ATP10A: variants seen among roughly 807,000 people sequenced by gnomAD.
The protein encoded by ATP10A is ATPase phospholipid transporting 10A (putative), also known as phospholipid-transporting ATPase VA.
ATP10A carries 111 observed loss-of-function variants against 147.8 expected under a neutral mutation model. That is an observed-to-expected ratio of 0.75 (90% CI 0.64 to 0.88). ATP10A has a LOEUF of 0.88. Among genes scored for constraint, ATP10A ranks in the 40% least tolerant of loss-of-function variants. The pLI, the probability that ATP10A is intolerant of heterozygous loss-of-function variation, is 0.00. For synonymous variants in ATP10A, 875 were observed against 841.6 expected (o/e 1.04, Z -0.69); for missense variants, 1,927 against 1,959.0 (o/e 0.98, Z 0.31).
rs72701795 is a variant in ATP10A, at chr15:25,705,178, C to T, written c.2575+2798G>A. Among the ~76,000 whole-genome samples the T allele has an allele frequency of 4.6e-3, 701 of 152,246 alleles. 2 individuals are homozygous for T. The highest frequency in any genetic ancestry group is 8.1e-3 in the Non-Finnish European group (553 of 68,012). ...CACCTGGGCCTGGTGCAGGGGCACA[C>T]GCCTGTAATCCCAGCACTTAGACAG... On this transcript the variant is annotated intron_variant, in intron 12 of 20. Transcript: ENST00000555815.
At chr15:25,829,861 A>C (rs1301499789) in intron 1 of ATP10A, among the ~76,000 whole-genome samples, 1 of 152,118 alleles carries the variant, frequency 6.6e-6, no homozygotes, top group Non-Finnish European at 1.5e-5. Flanking sequence ...TCAAGCAAAG[A>C]CTTTGGATCT....
chr15:25,862,394 C>T (rs1893800265), intron 1 of ATP10A: 1 of 654,234 alleles, frequency 1.5e-6, no homozygotes, highest in African/African-American at 1.8e-5. Context: ...ATTCTGGCCC[C>T]GACACGGAGT....
intron 1 of ATP10A, among the ~76,000 whole-genome samples, chr15:25,803,233 G>A (rs144445223): frequency 1.7e-4 from 26 of 152,170 alleles, no homozygotes; most frequent in African/African-American, 4.8e-4. Flanking sequence ...GGGCACTTCC[G>A]CCACACCGTC....
rs1423399433 is a variant in ATP10A at position 25,804,237 on chromosome 15, ATG to A, written c.450-23016_450-23015del. On this transcript the variant is annotated intron_variant, in intron 1 of 20. Transcript: ENST00000555815. ...ATCTGTGTGTGTGTCTATATGTGTG[ATG>A]TGTGTGTCTATGTGCATGGTGTGTG... Among the ~76,000 whole-genome samples, 8 of 136,632 alleles carry A rather than the reference ATG, an allele frequency of 5.9e-5. No homozygotes were observed. In the East Asian group the frequency reaches 8.9e-4, roughly 15 times the overall value. 89.6% of individuals were successfully genotyped at this position (136,632 alleles called of 152,430 possible). A position where few individuals can be genotyped will look rare whatever the true frequency, so the allele number is the denominator to read the frequency against.
At chr15:25,862,615 C>CCGCG in intron 1 of ATP10A, 33 bp downstream of exon 1, 2 of 1,515,734 alleles carry the variant, frequency 1.3e-6, no homozygotes, top group Middle Eastern at 2.1e-4. Flanking sequence ...CCCTGCGCCA[C>CCGCG]CGCGCGCTCG....
intron 6 of ATP10A, among the ~76,000 whole-genome samples, chr15:25,722,590 C>A (rs1902311415): frequency 1.3e-5 from 2 of 152,222 alleles, no homozygotes; most frequent in African/African-American, 4.8e-5. Context: ...CACAGACTAA[C>A]TGGGTTCTCC....
At chr15:25,861,972 CT>C (rs1371288431) in intron 1 of ATP10A, 3 of 317,068 alleles carry the variant, frequency 9.5e-6, no homozygotes, top group African/African-American at 6.7e-5. Context: ...AGGGTCACCC[CT>C]GGTACTGCCC....
intron 1 of ATP10A, among the ~76,000 whole-genome samples, chr15:25,852,433 C>T (rs1184666919): frequency 6.6e-6 from 1 of 152,102 alleles, no homozygotes; most frequent in Non-Finnish European, 1.5e-5. Context: ...TGTTGGGGCT[C>T]AGGAACCAAT....
intron 1 of ATP10A, among the ~76,000 whole-genome samples, chr15:25,861,192 G>A (rs1893744698): frequency 1.3e-5 from 2 of 152,276 alleles, no homozygotes; most frequent in South Asian, 2.1e-4. Flanking sequence ...TAAGAGTTAC[G>A]TGCACGCTAA....
chr15:25,818,047 A>C (rs543678738), intron 1 of ATP10A, among the ~76,000 whole-genome samples: 1 of 152,256 alleles, frequency 6.6e-6, no homozygotes, highest in African/African-American at 2.4e-5. Context: ...CAATCCCCCC[A>C]CTGCTAAATT....
chr15:25,783,547 G>T (rs1890026970), intron 1 of ATP10A, among the ~76,000 whole-genome samples: 1 of 152,122 alleles, frequency 6.6e-6, no homozygotes, highest in Non-Finnish European at 1.5e-5. Flanking sequence ...AGAGAGGAGT[G>T]TCCCCTGCCA....
intron 2 of ATP10A, among the ~76,000 whole-genome samples, chr15:25,777,867 C>T (rs1339294960): frequency 6.6e-6 from 1 of 151,652 alleles, no homozygotes; most frequent in African/African-American, 2.4e-5. Flanking sequence ...CTGTCTCAGC[C>T]TCCCAAAGTG....
Position 25,786,750 on chromosome 15 carries a change from C to T in ATP10A, c.450-5527G>A, listed in dbSNP as rs368520101. The stretch of plus-strand genomic sequence containing the variant: ...ACTCCATTCTCCTGCCTCAGCCTTC[C>T]GAGTAGCTGGGACTACAGGCGCCCA... On this transcript the variant is annotated intron_variant, in intron 1 of 20. Coordinates refer to ENST00000555815, the MANE Select transcript of ATP10A (RefSeq NM_024490.4). Among the ~76,000 whole-genome samples, 21 of 145,328 alleles carry T rather than the reference C, an allele frequency of 1.4e-4. No individual in the cohort carries two copies. In the South Asian group the frequency reaches 3.5e-3, roughly 24 times the overall value.
chr15:25,685,827 A>T, intron 16 of ATP10A, among the ~76,000 whole-genome samples: 1 of 71,616 alleles, frequency 1.4e-5, no homozygotes, highest in Middle Eastern at 7.5e-3. Context: ...CTGTCTTTAA[A>T]AAAAAAAAAA....
chr15:25,852,229 C>T (rs1000682266), intron 1 of ATP10A, among the ~76,000 whole-genome samples: 1 of 151,812 alleles, frequency 6.6e-6, no homozygotes, highest in Admixed American at 6.6e-5. Flanking sequence ...ATCCTCCCTC[C>T]TGTTAAGTGC....
intron 1 of ATP10A, among the ~76,000 whole-genome samples, chr15:25,802,204 C>T (rs1325584926): frequency 5.3e-5 from 8 of 151,788 alleles, no homozygotes; most frequent in African/African-American, 7.2e-5. Flanking sequence ...ACCGTGGAAA[C>T]ACGTGCGTGT....
chr15:25,771,086 A>G (rs1484550671), intron 2 of ATP10A, among the ~76,000 whole-genome samples: 1 of 152,114 alleles, frequency 6.6e-6, no homozygotes, highest in African/African-American at 2.4e-5. Context: ...CGCCACCACC[A>G]GACTCTCTCC....
chr15:25,696,856 C>T (rs1387741709), intron 13 of ATP10A, among the ~76,000 whole-genome samples: 3 of 152,204 alleles, frequency 2.0e-5, no homozygotes, highest in Non-Finnish European at 4.4e-5. Context: ...ATTCTGCTAC[C>T]GTGGCTATGC....
At chr15:25,799,884 A>G (rs138322580) in intron 1 of ATP10A, among the ~76,000 whole-genome samples, 99 of 152,324 alleles carry the variant, frequency 6.5e-4, no homozygotes, top group Middle Eastern at 6.8e-3. Context: ...TCTGGAATAC[A>G]ATGTATCTCT....
Sources: gnomAD v4.1 joint callset for allele counts (sites outside exome capture counted in the v4.1 genomes callset) on GRCh38, gnomAD v4.1.1 for gene constraint, MANE v1.5 for transcripts, NCBI Gene and HGNC (gene_info 2026-07-23, HGNC 2026-07-21) for gene names.